ARID5B: variants seen among roughly 807,000 people sequenced by gnomAD.
ARID5B encodes AT-rich interaction domain 5B, also known as AT-rich interactive domain-containing protein 5B.
Under a neutral mutation model 97.2 loss-of-function variants are expected in ARID5B, and 13 were observed. That is an observed-to-expected ratio of 0.13 (90% CI 0.09 to 0.21). ARID5B has a LOEUF of 0.21. Ranked by LOEUF, ARID5B falls within the 10% of genes least tolerant of loss-of-function variation. ARID5B has a pLI of 1.00. For synonymous variants in ARID5B, 556 were observed against 570.3 expected (o/e 0.97, Z 0.36); for missense variants, 1,210 against 1,465.3 (o/e 0.83, Z 2.84).
chr10:62,065,341 A>C (rs1318355678), intron 7 of ARID5B, among the ~76,000 whole-genome samples: 2 of 152,134 alleles, frequency 1.3e-5, no homozygotes, highest in Non-Finnish European at 2.9e-5. Flanking sequence ...TGAAAGCAGT[A>C]ACATCTCTTT....
At chr10:61,940,580 G>T (rs1292275001) in intron 3 of ARID5B, among the ~76,000 whole-genome samples, 172 bp downstream of exon 3, 1 of 152,074 alleles carries the variant, frequency 6.6e-6, no homozygotes, top group Non-Finnish European at 1.5e-5. Context: ...TAAGGGATGA[G>T]TGTTACCTGT....
chr10:62,087,512 TAAAAAACGCTGCTGCCCATTAAAAAAAAA>T (rs1306845289), intron 9 of ARID5B, among the ~76,000 whole-genome samples: 1 of 140,952 alleles, frequency 7.1e-6, no homozygotes, highest in Non-Finnish European at 1.5e-5. Flanking sequence ...ACATGAATAA[TAAAAAACGCTGCTGCCCATTAAAAAAAAA>T]AAAAAACTGA....
rs199587188 is a variant in ARID5B, at chr10:61,947,261, C to CTTTTTTTTTTTTTTTTTT, written c.502+6861_502+6878dup. Among the ~76,000 whole-genome samples the CTTTTTTTTTTTTTTTTTT allele has an allele frequency of 9.6e-4, 119 of 124,292 alleles. 8 individuals carry two copies. The highest frequency in any genetic ancestry group is 1.3e-3 in the Non-Finnish European group (77 of 59,496). 81.5% of individuals were successfully genotyped at this position (124,292 alleles called of 152,430 possible). ...ACCAGTATATCTTCTCACTTACTTT[C>CTTTTTTTTTTTTTTTTTT]TTTTTTTTTTTTTTTTTTTTTTTTT... On this transcript the variant is annotated intron_variant, in intron 3 of 9. Coordinates refer to ENST00000279873, the MANE Select transcript of ARID5B (RefSeq NM_032199.3).
intron 6 of ARID5B, among the ~76,000 whole-genome samples, chr10:62,058,637 C>G (rs1365558031): frequency 6.6e-6 from 1 of 152,194 alleles, no homozygotes; most frequent in East Asian, 1.9e-4. Context: ...GATTCAATTC[C>G]TCTCTGAATG....
intron 2 of ARID5B, among the ~76,000 whole-genome samples, chr10:61,913,829 G>T (rs912542806): frequency 6.6e-6 from 1 of 152,150 alleles, no homozygotes; most frequent in Non-Finnish European, 1.5e-5. Context: ...TCAGCTCACC[G>T]CAACCTCCGC....
intron 2 of ARID5B, among the ~76,000 whole-genome samples, chr10:61,934,786 G>C (rs368733589): frequency 2.6e-5 from 4 of 152,034 alleles, no homozygotes; most frequent in Admixed American, 6.5e-5. Context: ...AGTCTGAGGC[G>C]GGTGGATCAT....
chr10:61,915,004 C>A (rs1274957938), intron 2 of ARID5B, among the ~76,000 whole-genome samples: 1 of 152,218 alleles, frequency 6.6e-6, no homozygotes, highest in Admixed American at 6.5e-5. Context: ...GGGGTTTTCA[C>A]TATATACTGA....
intron 8 of ARID5B, among the ~76,000 whole-genome samples, chr10:62,082,442 G>A (rs1285616086): frequency 6.6e-6 from 1 of 152,164 alleles, no homozygotes; most frequent in Non-Finnish European, 1.5e-5. Flanking sequence ...TAGAGTTGCA[G>A]TCCATTGAAA....
chr10:61,997,368 CA>C (rs1839015408), intron 3 of ARID5B, among the ~76,000 whole-genome samples: 1 of 151,154 alleles, frequency 6.6e-6, no homozygotes, highest in Non-Finnish European at 1.5e-5. Flanking sequence ...GAGATGGCAT[CA>C]TCATGAAAAA....
chr10:61,902,037 G>A, intron 1 of ARID5B, 122 bp from the exon 2 acceptor site: 1 of 1,155,724 alleles, frequency 8.7e-7, no homozygotes, highest in South Asian at 1.5e-5. Flanking sequence ...TCCACCCAGC[G>A]TTATATCTGT....
intron 5 of ARID5B, among the ~76,000 whole-genome samples, chr10:62,052,514 G>T (rs1051058571): frequency 6.6e-6 from 1 of 152,112 alleles, no homozygotes; most frequent in Non-Finnish European, 1.5e-5. Context: ...ACCTGAGCCC[G>T]GCAGGATAAA....
chr10:61,941,224 G>A (rs185411143), intron 3 of ARID5B, among the ~76,000 whole-genome samples: 1 of 150,794 alleles, frequency 6.6e-6, no homozygotes, highest in African/African-American at 2.4e-5. Flanking sequence ...GCATAAAGGA[G>A]GGGCTTCATA....
chr10:61,995,915 C>G (rs1293951774), intron 3 of ARID5B, among the ~76,000 whole-genome samples: 1 of 152,204 alleles, frequency 6.6e-6, no homozygotes, highest in Non-Finnish European at 1.5e-5. Context: ...CTGCCTCTGT[C>G]CAAACAATGC....
intron 3 of ARID5B, among the ~76,000 whole-genome samples, chr10:61,991,810 A>T (rs1336155020): frequency 6.6e-6 from 1 of 152,120 alleles, no homozygotes; most frequent in African/African-American, 2.4e-5. Context: ...TGGGCGGATC[A>T]CCTGAAGTCG....
intron 4 of ARID5B, 54 bp from the exon 5 acceptor site, chr10:62,050,833 TA>T: frequency 6.8e-7 from 1 of 1,469,490 alleles, no homozygotes; most frequent in East Asian, 2.3e-5. Flanking sequence ...GGGTCTTTAA[TA>T]AAGAAACCCA....
intron 4 of ARID5B, among the ~76,000 whole-genome samples, chr10:62,018,580 C>CT (rs758545079): frequency 0.08 from 10,629 of 133,274 alleles, 1,339 homozygotes; most frequent in African/African-American, 0.26. Flanking sequence ...CGTTCCTGAC[C>CT]TTTTTTTTTT....
At chr10:61,948,219 T>C (rs1449431415) in intron 3 of ARID5B, among the ~76,000 whole-genome samples, 1 of 152,070 alleles carries the variant, frequency 6.6e-6, no homozygotes, top group Non-Finnish European at 1.5e-5. Context: ...TTTCTGAAAC[T>C]CTTTATAGAA....
intron 2 of ARID5B, among the ~76,000 whole-genome samples, chr10:61,930,577 G>T (rs182405374): frequency 0.019 from 2,949 of 151,750 alleles, 118 homozygotes; most frequent in African/African-American, 0.068. Context: ...AAAATTAGCC[G>T]GGTGTGATGG....
chr10:61,901,781 C>A (rs770519198), intron 1 of ARID5B, 51 bp downstream of exon 1: 2 of 1,571,240 alleles, frequency 1.3e-6, no homozygotes, highest in Non-Finnish European at 1.7e-6. Flanking sequence ...CGGCACCCCC[C>A]AACCCCCCAG....
Sources: allele counts gnomAD v4.1 joint callset (sites outside exome capture counted in the v4.1 genomes callset), GRCh38; gene constraint gnomAD v4.1.1; transcripts MANE v1.5; gene names NCBI Gene and HGNC (gene_info 2026-07-23, HGNC 2026-07-21).